The following ARL15 variants were observed in gnomAD, a reference collection of about 807,000 sequenced individuals.
The protein encoded by ARL15 is ARF like GTPase 15, also known as ADP-ribosylation factor-like protein 15.
A neutral mutation model predicts 25.2 loss-of-function variants in ARL15; 19 were observed. The ratio of observed to expected loss-of-function variants is 0.75; its 90% CI spans 0.53 to 1.10. The LOEUF is 1.10. ARL15 is among the 50% of genes least tolerant of loss of function. ARL15 has a pLI of 0.00. For missense variants in ARL15, 220 were observed against 246.0 expected (o/e 0.89, Z 0.71); for synonymous variants, 94 against 86.8 (o/e 1.08, Z -0.46).
chr5:53,903,174 G>A (rs1668553873), intron 4 of ARL15, among the ~76,000 whole-genome samples: 1 of 152,142 alleles, frequency 6.6e-6, no homozygotes, highest in South Asian at 2.1e-4. Flanking sequence ...CATGTCTCAA[G>A]AACATTCTAA....
At chr5:54,196,883 T>A (rs2112470733) in intron 1 of ARL15, among the ~76,000 whole-genome samples, 1 of 152,250 alleles carries the variant, frequency 6.6e-6, no homozygotes, top group South Asian at 2.1e-4. Context: ...CTCCTTCAAA[T>A]GAGAAATGGA....
At chr5:54,161,928 A>G (rs906889455) in intron 2 of ARL15, among the ~76,000 whole-genome samples, 3 of 151,706 alleles carry the variant, frequency 2.0e-5, no homozygotes, top group South Asian at 2.1e-4. Context: ...CTTTATTACT[A>G]TTGGAGTTTG....
chr5:54,200,032 A>T, intron 1 of ARL15, among the ~76,000 whole-genome samples: 1 of 151,386 alleles, frequency 6.6e-6, no homozygotes, highest in East Asian at 1.9e-4. Context: ...CTCTCAGTAA[A>T]CTATTCCAAG....
intron 4 of ARL15, among the ~76,000 whole-genome samples, chr5:54,093,850 G>C (rs1313711209): frequency 1.3e-5 from 2 of 152,128 alleles, no homozygotes; most frequent in Admixed American, 1.3e-4. Context: ...GGGAAGTTTA[G>C]AATGCATCCT....
At chr5:54,265,121 C>T (rs1411486928) in intron 1 of ARL15, among the ~76,000 whole-genome samples, 1 of 152,170 alleles carries the variant, frequency 6.6e-6, no homozygotes, top group Non-Finnish European at 1.5e-5. Flanking sequence ...CATCAACTCC[C>T]TGCTGTAATT....
chr5:54,140,101 C>G (rs536408281), intron 3 of ARL15, among the ~76,000 whole-genome samples: 9 of 152,176 alleles, frequency 5.9e-5, no homozygotes, highest in Non-Finnish European at 2.9e-5. Flanking sequence ...TATCTGACTA[C>G]TATCCATCTT....
Position 53,884,285 on chromosome 5 carries a change from T to C in ARL15, c.*2276A>G. On this transcript the variant is annotated 3_prime_UTR_variant, in exon 5 of 5. Transcript: ENST00000504924. ...CTGTTTTTCCTATATAATATTTGAA[T>C]ATGCAAACCAAGACACCTGTGGCAC... 1 of 152,160 alleles carries C rather than the reference T, an allele frequency of 6.6e-6. No homozygotes were observed. The highest frequency in any genetic ancestry group is 1.9e-4 in the East Asian group (1 of 5,184). The allele number at this position is 152,160 out of a possible 1,614,324, so 9.4% of individuals were successfully genotyped here.
intron 4 of ARL15, among the ~76,000 whole-genome samples, chr5:53,891,566 C>T (rs1744709028): frequency 6.6e-6 from 1 of 152,176 alleles, no homozygotes; most frequent in African/African-American, 2.4e-5. Flanking sequence ...AATACAGGTA[C>T]CTCTCACCCT....
At chr5:53,890,618 G>A (rs1007639043) in intron 4 of ARL15, among the ~76,000 whole-genome samples, 6 of 152,188 alleles carry the variant, frequency 3.9e-5, no homozygotes, top group African/African-American at 1.4e-4. Flanking sequence ...AAGCCACAGA[G>A]AGTGGGCATT....
chr5:54,269,438 T>G (rs888641205), intron 1 of ARL15, among the ~76,000 whole-genome samples: 3 of 152,104 alleles, frequency 2.0e-5, no homozygotes, highest in Non-Finnish European at 4.4e-5. Context: ...ACATTTCCTG[T>G]GGCCGTAAGT....
chr5:53,971,009 AGTTT>A (rs1370542616), intron 4 of ARL15, among the ~76,000 whole-genome samples: 1 of 152,180 alleles, frequency 6.6e-6, no homozygotes, highest in Non-Finnish European at 1.5e-5. Context: ...GAGAGAGAAA[AGTTT>A]GATAGCATTA....
intron 2 of ARL15, among the ~76,000 whole-genome samples, chr5:54,170,507 T>G (rs1754684466): frequency 6.6e-6 from 1 of 152,178 alleles, no homozygotes; most frequent in African/African-American, 2.4e-5. Context: ...TGAATACAAT[T>G]TGTCTCCTGG....
At chr5:54,140,461 T>TAGATAGAGATAG (rs1554043186) in intron 3 of ARL15, among the ~76,000 whole-genome samples, 13 of 123,576 alleles carry the variant, frequency 1.1e-4, no homozygotes, top group East Asian at 2.4e-4. Context: ...GATAGATAGA[T>TAGATAGAGATAG]AGATAGAGAT....
chr5:54,071,489 C>T (rs1283587627), intron 4 of ARL15, among the ~76,000 whole-genome samples: 4 of 130,072 alleles, frequency 3.1e-5, no homozygotes, highest in African/African-American at 1.2e-4. Flanking sequence ...AGTATAGATG[C>T]TCTCTCTCTT....
chr5:54,112,218 A>G (rs1752762962), intron 4 of ARL15, among the ~76,000 whole-genome samples: 1 of 152,216 alleles, frequency 6.6e-6, no homozygotes, highest in Admixed American at 6.5e-5. Flanking sequence ...TATCCAAATT[A>G]ATCCTATTAA....
chr5:54,310,524 A>T lies in ARL15; in HGVS notation c.-45T>A. On this transcript the variant is annotated 5_prime_UTR_variant, in exon 1 of 5. Coordinates refer to ENST00000504924, the MANE Select transcript of ARL15 (RefSeq NM_019087.3). ...GGAACGGCTCCGAACCCGGAAAAAA[A>T]AAGCAGCGTCTCTGGCTGCGAGCGA... 1 of 1,568,960 alleles carries T rather than the reference A, an allele frequency of 6.4e-7. No homozygotes were observed. The highest frequency in any genetic ancestry group is 1.2e-5 in the South Asian group (1 of 85,394).
At chr5:54,049,930 A>T (rs1355271998) in intron 4 of ARL15, among the ~76,000 whole-genome samples, 1 of 152,160 alleles carries the variant, frequency 6.6e-6, no homozygotes, top group Non-Finnish European at 1.5e-5. Flanking sequence ...GTTTTCAATA[A>T]GAACGGGCAG....
At chr5:54,006,789 T>C (rs770113520) in intron 4 of ARL15, among the ~76,000 whole-genome samples, 1 of 152,048 alleles carries the variant, frequency 6.6e-6, no homozygotes, top group Non-Finnish European at 1.5e-5. Context: ...GCATTGTCCA[T>C]GTGAAGGTTA....
At chr5:54,138,341 G>A (rs1753667473) in intron 3 of ARL15, among the ~76,000 whole-genome samples, 1 of 152,070 alleles carries the variant, frequency 6.6e-6, no homozygotes, top group Non-Finnish European at 1.5e-5. Context: ...ATTACCAATG[G>A]AACAGGATAG....
Sources: allele counts gnomAD v4.1 joint callset (sites outside exome capture counted in the v4.1 genomes callset), GRCh38; gene constraint gnomAD v4.1.1; transcripts MANE v1.5; gene names NCBI Gene and HGNC (gene_info 2026-07-23, HGNC 2026-07-21).